Variants in CMTM8 observed in about 807,000 individuals in gnomAD.
CMTM8 encodes the protein CKLF like MARVEL transmembrane domain containing 8.
Under a neutral mutation model 18.6 loss-of-function variants are expected in CMTM8, and 12 were observed. The ratio of observed to expected loss-of-function variants is 0.65; its 90% CI spans 0.41 to 1.05. The LOEUF is 1.05. Among genes scored for constraint, CMTM8 ranks in the 50% least tolerant of loss-of-function variants. CMTM8 has a pLI of 0.00. For synonymous variants in CMTM8, 87 were observed against 90.6 expected (o/e 0.96, Z 0.23); for missense variants, 217 against 227.2 (o/e 0.95, Z 0.29).
chr3:32,244,193 A>G (rs1701981489), intron 1 of CMTM8, among the ~76,000 whole-genome samples: 1 of 152,130 alleles, frequency 6.6e-6, no homozygotes, highest in Non-Finnish European at 1.5e-5. Flanking sequence ...GATCTTACCT[A>G]AGGAGTTTTT....
chr3:32,302,348 T>A (rs9835916), intron 1 of CMTM8, among the ~76,000 whole-genome samples: 1 of 152,100 alleles, frequency 6.6e-6, no homozygotes, highest in Admixed American at 6.5e-5. Flanking sequence ...AATTCTTTAT[T>A]GGAACAAGTA....
intron 1 of CMTM8, chr3:32,259,523 C>T (rs532411446): frequency 3.8e-6 from 3 of 785,964 alleles, no homozygotes; most frequent in Admixed American, 1.7e-5. Flanking sequence ...CAATGTCACT[C>T]GGCTGCAGCT....
intron 1 of CMTM8, among the ~76,000 whole-genome samples, chr3:32,268,226 A>C (rs1475725265): frequency 6.6e-6 from 1 of 152,252 alleles, no homozygotes. Flanking sequence ...TGGATTAAGA[A>C]AATGTGGCAC....
intron 1 of CMTM8, among the ~76,000 whole-genome samples, chr3:32,305,707 C>T (rs891402226): frequency 6.6e-6 from 1 of 152,214 alleles, no homozygotes; most frequent in Non-Finnish European, 1.5e-5. Context: ...TGAGAAATCC[C>T]ACTCTTCAGT....
At chr3:32,351,706 T>G (rs75741531) in intron 1 of CMTM8, among the ~76,000 whole-genome samples, 1 of 140,100 alleles carries the variant, frequency 7.1e-6, no homozygotes, top group African/African-American at 2.7e-5. Context: ...AGTGAGACCC[T>G]GTCTCAAAAA....
At chr3:32,311,494 G>A (rs1286148465) in intron 1 of CMTM8, among the ~76,000 whole-genome samples, 2 of 152,166 alleles carry the variant, frequency 1.3e-5, no homozygotes, top group Non-Finnish European at 2.9e-5. Context: ...TCATGGCTCC[G>A]TTCCACTCTC....
intron 1 of CMTM8, among the ~76,000 whole-genome samples, chr3:32,311,155 C>T (rs1352482578): frequency 2.0e-5 from 3 of 152,170 alleles, no homozygotes; most frequent in South Asian, 2.1e-4. Context: ...CAGCCCATGA[C>T]GTGTTTTTGT....
intron 1 of CMTM8, among the ~76,000 whole-genome samples, chr3:32,336,063 G>A (rs927682068): frequency 2.0e-5 from 3 of 152,250 alleles, no homozygotes; most frequent in African/African-American, 7.2e-5. Flanking sequence ...CAAATGCTTG[G>A]CGTCTTTGGT....
At chr3:32,242,090 T>G (rs1701950654) in intron 1 of CMTM8, among the ~76,000 whole-genome samples, 1 of 152,174 alleles carries the variant, frequency 6.6e-6, no homozygotes, top group African/African-American at 2.4e-5. Flanking sequence ...CTGGGTTGGA[T>G]CCTCTGCTTC....
At chr3:32,282,229 GTA>G (rs1376337786) in intron 1 of CMTM8, among the ~76,000 whole-genome samples, 3 of 152,118 alleles carry the variant, frequency 2.0e-5, no homozygotes, top group Non-Finnish European at 4.4e-5. Context: ...TAGATTGTGT[GTA>G]CGGGACAAAT....
intron 1 of CMTM8, among the ~76,000 whole-genome samples, chr3:32,315,171 T>C (rs1469765585): frequency 2.0e-5 from 3 of 150,470 alleles, no homozygotes; most frequent in South Asian, 2.1e-4. Flanking sequence ...ACTCTGTCAC[T>C]CAGGCTGGAG....
chr3:32,267,036 T>G (rs1305130584), intron 1 of CMTM8, among the ~76,000 whole-genome samples: 1 of 152,138 alleles, frequency 6.6e-6, no homozygotes, highest in Non-Finnish European at 1.5e-5. Flanking sequence ...CAAGGTAATT[T>G]ATAGATTCAA....
chr3:32,329,276 G>T (rs1696226488), intron 1 of CMTM8, among the ~76,000 whole-genome samples: 1 of 152,062 alleles, frequency 6.6e-6, no homozygotes, highest in Non-Finnish European at 1.5e-5. Context: ...ATGTTGACCA[G>T]CCCGGTCTTG....
At chr3:32,285,035 T>C (rs1039037140) in intron 1 of CMTM8, among the ~76,000 whole-genome samples, 16 of 152,164 alleles carry the variant, frequency 1.1e-4, no homozygotes, top group African/African-American at 3.6e-4. Context: ...CTTTTCCTCA[T>C]ATGACCTGGT....
intron 3 of CMTM8, 25 bp from the exon 4 acceptor site, chr3:32,369,859 T>C: frequency 6.5e-7 from 1 of 1,546,058 alleles, no homozygotes; most frequent in South Asian, 1.1e-5. Context: ...TAAACCCCAC[T>C]TCTATTATGC....
chr3:32,367,535 G>A (rs976736346), intron 2 of CMTM8, among the ~76,000 whole-genome samples: 9 of 152,162 alleles, frequency 5.9e-5, no homozygotes, highest in Admixed American at 3.9e-4. Context: ...CCACCGAGTG[G>A]GCGCCACTGC....
At chr3:32,303,725 C>T (rs746474352) in intron 1 of CMTM8, among the ~76,000 whole-genome samples, 1 of 151,996 alleles carries the variant, frequency 6.6e-6, no homozygotes, top group Non-Finnish European at 1.5e-5. Flanking sequence ...CTTACATTTG[C>T]CAGCTCACAT....
intron 1 of CMTM8, among the ~76,000 whole-genome samples, chr3:32,345,493 A>G (rs1395668933): frequency 6.6e-6 from 1 of 152,228 alleles, no homozygotes; most frequent in African/African-American, 2.4e-5. Context: ...TGGGTCATCA[A>G]AAGGTTTAGC....
At chr3:32,307,569 G>A (rs1695739932) in intron 1 of CMTM8, among the ~76,000 whole-genome samples, 1 of 152,126 alleles carries the variant, frequency 6.6e-6, no homozygotes, top group African/African-American at 2.4e-5. Flanking sequence ...GGCAGAGATG[G>A]CCAGAGAGCA....
Sources: allele counts gnomAD v4.1 joint callset (sites outside exome capture counted in the v4.1 genomes callset), GRCh38; gene constraint gnomAD v4.1.1; transcripts MANE v1.5; gene names NCBI Gene and HGNC (gene_info 2026-07-23, HGNC 2026-07-21).